Variants in DLGAP1 observed in about 807,000 individuals in gnomAD.
DLGAP1 encodes DLG associated protein 1.
A neutral mutation model predicts 90.8 loss-of-function variants in DLGAP1; 11 were observed. The observed-to-expected ratio is 0.12, with a 90% CI of 0.08 to 0.20. The LOEUF (loss-of-function observed/expected upper bound fraction) is 0.20, where lower values mean the gene tolerates loss of function less well. DLGAP1 is among the 10% of genes least tolerant of loss of function. The pLI is 1.00. For synonymous variants in DLGAP1, 558 were observed against 540.7 expected, an observed-to-expected ratio of 1.03 and a Z score of -0.44; for missense variants, 1,050 against 1,333.8, an observed-to-expected ratio of 0.79 and a Z score of 3.31.
At chr18:4,436,655 A>G (rs891536281) in intron 1 of DLGAP1, among the ~76,000 whole-genome samples, 1 of 152,196 alleles carries the variant, frequency 6.6e-6, no homozygotes, top group African/African-American at 2.4e-5. Context: ...TAGATGATTC[A>G]ATACATAGCT....
chr18:4,210,322 C>T (rs769159913), intron 1 of DLGAP1, among the ~76,000 whole-genome samples: 1 of 152,210 alleles, frequency 6.6e-6, no homozygotes, highest in East Asian at 1.9e-4. Flanking sequence ...ATGGAAGAGG[C>T]ATTATATAAT....
At chr18:4,225,987 A>T (rs540258724) in intron 1 of DLGAP1, among the ~76,000 whole-genome samples, 4 of 152,248 alleles carry the variant, frequency 2.6e-5, no homozygotes, top group African/African-American at 7.2e-5. Context: ...AGACTACAAA[A>T]TATTTAATAA....
intron 3 of DLGAP1, among the ~76,000 whole-genome samples, chr18:3,927,201 T>C (rs1231152116): frequency 6.6e-6 from 1 of 152,184 alleles, no homozygotes; most frequent in Non-Finnish European, 1.5e-5. Flanking sequence ...GCAACAGTAA[T>C]TCAATGGATG....
chr18:4,347,860 G>A (rs919074650), intron 1 of DLGAP1, among the ~76,000 whole-genome samples: 2 of 151,916 alleles, frequency 1.3e-5, no homozygotes, highest in African/African-American at 4.8e-5. Context: ...TAGAGAAGAG[G>A]TAAAAGTATC....
At chr18:4,441,654 A>G (rs2083537919) in intron 1 of DLGAP1, among the ~76,000 whole-genome samples, 1 of 152,240 alleles carries the variant, frequency 6.6e-6, no homozygotes, top group African/African-American at 2.4e-5. Flanking sequence ...AACAGTAGGA[A>G]AGAATTACGG....
At chr18:3,817,300 T>C (rs2067156051) in intron 4 of DLGAP1, among the ~76,000 whole-genome samples, 1 of 152,178 alleles carries the variant, frequency 6.6e-6, no homozygotes, top group Non-Finnish European at 1.5e-5. Flanking sequence ...ATGGTAGAAA[T>C]TTGGGCTCAT....
chr18:4,119,219 G>A (rs1263597200), intron 2 of DLGAP1, among the ~76,000 whole-genome samples: 2 of 152,020 alleles, frequency 1.3e-5, no homozygotes, highest in African/African-American at 4.8e-5. Flanking sequence ...AGCCTCCCCT[G>A]CAGCTGGGAC....
intron 8 of DLGAP1, among the ~76,000 whole-genome samples, chr18:3,570,800 C>T (rs1383635593): frequency 6.6e-6 from 1 of 151,678 alleles, no homozygotes; most frequent in Non-Finnish European, 1.5e-5. Context: ...GGCATAGTGG[C>T]ATGCGCCTGT....
At chr18:4,322,460 G>C (rs2143614420) in intron 1 of DLGAP1, among the ~76,000 whole-genome samples, 1 of 152,132 alleles carries the variant, frequency 6.6e-6, no homozygotes, top group South Asian at 2.1e-4. Context: ...GAATAAAACT[G>C]GATTCTTTAT....
chr18:4,314,168 T>C (rs976142755), intron 1 of DLGAP1, among the ~76,000 whole-genome samples: 2 of 152,194 alleles, frequency 1.3e-5, no homozygotes, highest in African/African-American at 4.8e-5. Context: ...ATTTTCCAAA[T>C]GATTGACCTT....
chr18:4,447,882 C>T (rs16946829), intron 1 of DLGAP1, among the ~76,000 whole-genome samples: 14,615 of 152,172 alleles, frequency 0.096, 916 homozygotes, highest in South Asian at 0.18. Flanking sequence ...GTCCAAGAGG[C>T]CACTTCTTCA....
chr18:4,053,659 T>C (rs2075169958), intron 2 of DLGAP1, among the ~76,000 whole-genome samples: 1 of 152,208 alleles, frequency 6.6e-6, no homozygotes, highest in Admixed American at 6.5e-5. Flanking sequence ...TTCACCATGA[T>C]TGAAAATTTC....
chr18:3,727,364 A>C lies in DLGAP1; in HGVS notation c.1591+1771T>G, dbSNP rs1191556004. ...ACACGCAAATCTGACAGGTGAGAAG[A>C]GAAAAACCATTCCAAGTCTCTTGCT... On this transcript the variant is annotated intron_variant, in intron 7 of 12. Transcript: ENST00000315677. The surrounding 1 kb of genome is among the most constrained non-coding windows in gnomAD (Gnocchi z 4.7). Among the ~76,000 whole-genome samples, 3 of 152,212 alleles carry C rather than the reference A, an allele frequency of 2.0e-5. No homozygotes were observed. The highest frequency in any genetic ancestry group is 4.4e-5 in the Non-Finnish European group (3 of 68,036).
chr18:3,879,873 C>T lies in DLGAP1; in HGVS notation c.196G>A (p.Ala66Thr), dbSNP rs772807233. 2 of 1,610,576 alleles carry T rather than the reference C, an allele frequency of 1.2e-6. No homozygotes were observed. The highest frequency in any genetic ancestry group is 1.3e-5 in the African/African-American group (1 of 74,932). The change falls in exon 4 of 13, where the codon GCC (alanine) becomes ACC (threonine). Residue 66 changes from alanine to threonine, a missense_variant. By Grantham distance (58) the Ala-to-Thr change is moderately conservative. This residue lies in a region of DLGAP1 where 485 missense variants were observed against 454.1 expected (regional missense o/e 1.07). Transcript: ENST00000315677. The surrounding 1 kb of genome is among the most constrained non-coding windows in gnomAD (Gnocchi z 6.6). ...ECVGPFSDPL[A>T]SSTFPRRHYT... is the part of the protein sequence containing the mutation. ...TGCCTGCGGGGGAAGGTGCTGCTGG[C>T]CAGCGGGTCGCTGAAGGGGCCCACG...
chr18:3,509,106 C>A (rs1162112014), intron 10 of DLGAP1, among the ~76,000 whole-genome samples: 1 of 151,660 alleles, frequency 6.6e-6, no homozygotes, highest in Non-Finnish European at 1.5e-5. Flanking sequence ...CAAGCCCAAA[C>A]ACAAGGAAAG....
intron 1 of DLGAP1, among the ~76,000 whole-genome samples, chr18:4,377,260 C>T (rs1020225659): frequency 6.6e-6 from 1 of 152,122 alleles, no homozygotes; most frequent in Non-Finnish European, 1.5e-5. Flanking sequence ...CTGCCTCTTG[C>T]AAACTGGAGA....
chr18:3,528,645 G>C (rs1568136489), intron 10 of DLGAP1, among the ~76,000 whole-genome samples: 1 of 152,144 alleles, frequency 6.6e-6, no homozygotes, highest in Non-Finnish European at 1.5e-5. Context: ...CATCGTCAGG[G>C]GTATTGTGAG....
intron 3 of DLGAP1, among the ~76,000 whole-genome samples, chr18:3,949,391 T>A (rs1181209758): frequency 1.3e-5 from 2 of 152,204 alleles, no homozygotes; most frequent in African/African-American, 4.8e-5. Context: ...GGGGCTTCAG[T>A]GGTCTCAGGA....
intron 3 of DLGAP1, among the ~76,000 whole-genome samples, chr18:3,964,388 A>G (rs1054222903): frequency 2.0e-5 from 3 of 152,220 alleles, no homozygotes; most frequent in African/African-American, 7.2e-5. Context: ...AGAAGGAGAA[A>G]AGAGTCTGCG....
Sources: gnomAD v4.1 joint callset for allele counts (sites outside exome capture counted in the v4.1 genomes callset) on GRCh38, gnomAD v4.1.1 for gene constraint, gnomAD v4.1.1 regional missense constraint, Gnocchi (gnomAD v3.1) non-coding constraint, MANE v1.5 for transcripts, NCBI Gene and HGNC (gene_info 2026-07-23, HGNC 2026-07-21) for gene names.